Variants in AIDA observed in about 807,000 individuals in gnomAD.
The protein encoded by AIDA is axin interactor, dorsalization associated.
In AIDA, 18 loss-of-function variants were observed where a neutral mutation model predicts 42.7. The ratio of observed to expected loss-of-function variants is 0.42; its 90% CI spans 0.29 to 0.63. The LOEUF (loss-of-function observed/expected upper bound fraction) is 0.63. Among genes scored for constraint, AIDA ranks in the 20% least tolerant of loss-of-function variants. The probability of loss-of-function intolerance (pLI) is 0.19; values close to 1 mark genes in which losing one functional copy is unlikely to be tolerated. For missense variants in AIDA, 250 were observed against 354.1 expected (o/e 0.71, Z 2.36); for synonymous variants, 104 against 122.9 (o/e 0.85, Z 1.02).
chr1:222,701,208 C>T (rs1377798038), intron 2 of AIDA, among the ~76,000 whole-genome samples: 1 of 152,120 alleles, frequency 6.6e-6, no homozygotes, highest in Non-Finnish European at 1.5e-5. Context: ...AACAATCTTC[C>T]CAACTCGACC....
At chr1:222,675,994 T>A (rs535766259) in intron 7 of AIDA, 102 bp downstream of exon 7, 7 of 1,321,274 alleles carry the variant, frequency 5.3e-6, no homozygotes, top group Admixed American at 2.8e-5. Flanking sequence ...AGTTGTCACA[T>A]ACATAAGACT....
intron 4 of AIDA, among the ~76,000 whole-genome samples, chr1:222,689,479 G>GTGTGTA (rs1553294352): frequency 4.4e-5 from 2 of 45,250 alleles, no homozygotes; most frequent in Non-Finnish European, 1.0e-4. Context: ...ATGTGTGTGT[G>GTGTGTA]TGTATATATA....
chr1:222,681,599 G>A (rs192189889), intron 6 of AIDA, among the ~76,000 whole-genome samples: 1 of 152,306 alleles, frequency 6.6e-6, no homozygotes, highest in East Asian at 1.9e-4. Flanking sequence ...GGAGGCAGAG[G>A]TTGCAGTGAG....
At chr1:222,677,670 T>C (rs1051703592) in intron 6 of AIDA, among the ~76,000 whole-genome samples, 88 of 152,298 alleles carry the variant, frequency 5.8e-4, no homozygotes, top group African/African-American at 2.0e-3. Context: ...CTTGAGATCA[T>C]GGGATTCTTC....
At chr1:222,670,761 T>C (rs933446947) in intron 8 of AIDA, among the ~76,000 whole-genome samples, 26 of 152,348 alleles carry the variant, frequency 1.7e-4, no homozygotes, top group African/African-American at 5.3e-4. Context: ...CTGGAAAATG[T>C]TATCTGTTTC....
At chr1:222,682,066 G>A (rs540870964) in intron 6 of AIDA, among the ~76,000 whole-genome samples, 29 of 152,256 alleles carry the variant, frequency 1.9e-4, no homozygotes, top group African/African-American at 6.5e-4. Flanking sequence ...AGGAGTCTGG[G>A]GTTACATGGA....
intron 1 of AIDA, among the ~76,000 whole-genome samples, chr1:222,706,272 T>A (rs1655835463): frequency 6.6e-6 from 1 of 152,192 alleles, no homozygotes; most frequent in Non-Finnish European, 1.5e-5. Context: ...AGTTTCTTTA[T>A]AAAGTTACAC....
intron 2 of AIDA, among the ~76,000 whole-genome samples, chr1:222,694,894 G>C (rs1389416540): frequency 6.6e-6 from 1 of 152,156 alleles, no homozygotes; most frequent in Non-Finnish European, 1.5e-5. Context: ...TTGATTGTAT[G>C]AACTTTAGCA....
chr1:222,700,980 G>GC (rs1485132803), intron 2 of AIDA, among the ~76,000 whole-genome samples: 1 of 145,280 alleles, frequency 6.9e-6, no homozygotes, highest in East Asian at 2.0e-4. Context: ...TTGGGGGGGG[G>GC]GGGACAGGGT....
chr1:222,675,881 G>GT, intron 7 of AIDA, among the ~76,000 whole-genome samples: 1 of 152,294 alleles, frequency 6.6e-6, no homozygotes, highest in Non-Finnish European at 1.5e-5. Flanking sequence ...GCAAAACAAT[G>GT]TAAGTTATAA....
intron 7 of AIDA, among the ~76,000 whole-genome samples, chr1:222,674,650 G>C (rs1286634023): frequency 6.6e-6 from 1 of 152,136 alleles, no homozygotes; most frequent in African/African-American, 2.4e-5. Context: ...GTAACAACCT[G>C]TTTTATACCA....
chr1:222,709,674 G>C (rs1196905618), intron 1 of AIDA, among the ~76,000 whole-genome samples: 11 of 151,996 alleles, frequency 7.2e-5, no homozygotes, highest in Admixed American at 7.2e-4. Context: ...GGGGGGAAAA[G>C]TGCCCCAGAA....
chr1:222,669,873 C>G lies in AIDA; in HGVS notation c.*20G>C. 1.2e-6 allele frequency: 2 copies of G among 1,603,382 alleles called. No individual in the cohort carries two copies. Among genetic ancestry groups the G allele is most frequent in the Non-Finnish European group, 8.5e-7 (1 of 1,174,236 alleles). The stretch of plus-strand genomic sequence containing the variant: ...CTGAGTGGTAAAATTCACAGAAGTT[C>G]CAGGTTCATCATGTCAGGATCATTC... On this transcript the variant is annotated 3_prime_UTR_variant, in exon 10 of 10. Transcript: ENST00000340020.
At chr1:222,711,101 G>A (rs997701342) in intron 1 of AIDA, among the ~76,000 whole-genome samples, 4 of 151,302 alleles carry the variant, frequency 2.6e-5, no homozygotes, top group Non-Finnish European at 2.9e-5. Context: ...GATGGGGGGT[G>A]GGGGAGGCCG....
intron 1 of AIDA, among the ~76,000 whole-genome samples, chr1:222,710,243 T>G: frequency 6.6e-6 from 1 of 152,236 alleles, no homozygotes; most frequent in Non-Finnish European, 1.5e-5. Flanking sequence ...TTTACAGAAT[T>G]TAAGCCAATC....
At chr1:222,693,869 T>C (rs202083483) in intron 3 of AIDA, 26 bp from the exon 4 acceptor site, 5 of 1,559,398 alleles carry the variant, frequency 3.2e-6, no homozygotes, top group South Asian at 2.3e-5. Context: ...GCATATTACA[T>C]CTTTTCACTA....
intron 2 of AIDA, among the ~76,000 whole-genome samples, chr1:222,700,828 C>T (rs1361836139): frequency 1.3e-5 from 2 of 151,822 alleles, no homozygotes; most frequent in African/African-American, 2.4e-5. Flanking sequence ...CATGTGGCTG[C>T]TAAGGAATAG....
intron 2 of AIDA, among the ~76,000 whole-genome samples, chr1:222,699,951 T>C (rs1021419254): frequency 1.3e-5 from 2 of 152,078 alleles, no homozygotes; most frequent in Non-Finnish European, 2.9e-5. Flanking sequence ...TTTGTATTTT[T>C]AGTAGAGACG....
chr1:222,677,798 T>C (rs1664578160), intron 6 of AIDA, among the ~76,000 whole-genome samples: 1 of 152,192 alleles, frequency 6.6e-6, no homozygotes, highest in Admixed American at 6.5e-5. Flanking sequence ...TTTTCTGTAA[T>C]AGTCCATGTA....
Sources: gnomAD v4.1 joint callset for allele counts (sites outside exome capture counted in the v4.1 genomes callset) on GRCh38, gnomAD v4.1.1 for gene constraint, MANE v1.5 for transcripts, NCBI Gene and HGNC (gene_info 2026-07-23, HGNC 2026-07-21) for gene names.